GAS2: variants seen among roughly 807,000 people sequenced by gnomAD.
GAS2 encodes growth arrest-specific protein 2.
GAS2 carries 20 observed loss-of-function variants against 37.5 expected under a neutral mutation model. That is an observed-to-expected ratio of 0.53 (90% confidence interval 0.37 to 0.77). The LOEUF is 0.77. Ranked by LOEUF, GAS2 falls within the 30% of genes least tolerant of loss-of-function variation. The pLI, the probability that GAS2 is intolerant of heterozygous loss-of-function variation, is 0.00. For synonymous variants in GAS2, 144 were observed against 132.2 expected (o/e 1.09, Z -0.61); for missense variants, 336 against 373.4 (o/e 0.90, Z 0.82).
chr11:22,686,962 G>T (rs1254769740), intron 3 of GAS2, among the ~76,000 whole-genome samples: 1 of 151,980 alleles, frequency 6.6e-6, no homozygotes, highest in African/African-American at 2.4e-5. Flanking sequence ...CTCTGTGAAG[G>T]TATTAATTAA....
At chr11:22,781,452 A>G (rs1489421552) in intron 7 of GAS2, among the ~76,000 whole-genome samples, 2 of 152,154 alleles carry the variant, frequency 1.3e-5, no homozygotes, top group African/African-American at 4.8e-5. Flanking sequence ...CAGACTTTTC[A>G]TTCACAGGTT....
At chr11:22,769,328 A>G (rs971856956) in intron 7 of GAS2, among the ~76,000 whole-genome samples, 1 of 152,232 alleles carries the variant, frequency 6.6e-6, no homozygotes, top group African/African-American at 2.4e-5. Flanking sequence ...AACATGTCCA[A>G]CCTTGAAGAA....
chr11:22,718,719 T>A (rs1443043059), intron 3 of GAS2, among the ~76,000 whole-genome samples: 3 of 152,006 alleles, frequency 2.0e-5, no homozygotes, highest in Non-Finnish European at 4.4e-5. Flanking sequence ...TTATGAACAC[T>A]GAGATTTCTA....
intron 7 of GAS2, among the ~76,000 whole-genome samples, chr11:22,780,557 C>CAA (rs34289288): frequency 0.49 from 44,089 of 89,848 alleles, 10,564 homozygotes; most frequent in South Asian, 0.62. Flanking sequence ...GACTCTGTCT[C>CAA]AAAAAAAAAA....
intron 2 of GAS2, among the ~76,000 whole-genome samples, chr11:22,683,024 G>T (rs865859251): frequency 6.6e-6 from 1 of 151,944 alleles, no homozygotes; most frequent in Non-Finnish European, 1.5e-5. Flanking sequence ...TGAAATAAAA[G>T]TTCTGCACAG....
chr11:22,686,819 C>G (rs1849983269), intron 3 of GAS2, among the ~76,000 whole-genome samples: 1 of 151,954 alleles, frequency 6.6e-6, no homozygotes, highest in Non-Finnish European at 1.5e-5. Context: ...TTTTCTGCAA[C>G]TCTGACAGAA....
intron 3 of GAS2, among the ~76,000 whole-genome samples, chr11:22,717,658 A>G (rs1289911350): frequency 6.6e-6 from 1 of 152,182 alleles, no homozygotes; most frequent in East Asian, 1.9e-4. Flanking sequence ...TTCACAGCAA[A>G]ATAAGCAATC....
chr11:22,795,503 G>A (rs1856384168), intron 7 of GAS2, among the ~76,000 whole-genome samples: 1 of 152,058 alleles, frequency 6.6e-6, no homozygotes, highest in Admixed American at 6.6e-5. Context: ...AGGAGGTGAG[G>A]TGTTTACTCT....
intron 1 of GAS2, among the ~76,000 whole-genome samples, chr11:22,647,096 C>T: frequency 7.3e-6 from 1 of 137,652 alleles, no homozygotes. Context: ...CAACAGTCCC[C>T]AGAGTGTGAT....
chr11:22,770,806 A>G (rs1464398665), intron 7 of GAS2, among the ~76,000 whole-genome samples: 1 of 152,210 alleles, frequency 6.6e-6, no homozygotes, highest in Non-Finnish European at 1.5e-5. Context: ...TTGTCGTTCA[A>G]AAAGCTTTTC....
chr11:22,640,044 C>T (rs1367737394), intron 1 of GAS2, among the ~76,000 whole-genome samples: 1 of 151,954 alleles, frequency 6.6e-6, no homozygotes, highest in Non-Finnish European at 1.5e-5. Context: ...GACAAAGGGC[C>T]CATGAAGTTA....
intron 4 of GAS2, among the ~76,000 whole-genome samples, chr11:22,728,935 G>T (rs1852344057): frequency 6.6e-6 from 1 of 150,652 alleles, no homozygotes; most frequent in Non-Finnish European, 1.5e-5. Context: ...GATGGCTTTG[G>T]ACTCTACTTG....
intron 5 of GAS2, among the ~76,000 whole-genome samples, chr11:22,746,307 G>C (rs1432659716): frequency 6.6e-6 from 1 of 152,170 alleles, no homozygotes; most frequent in African/African-American, 2.4e-5. Flanking sequence ...GCAGTTTGGA[G>C]ATTTTGTGAA....
chr11:22,768,448 C>G (rs2134412165), intron 7 of GAS2, among the ~76,000 whole-genome samples: 1 of 152,300 alleles, frequency 6.6e-6, no homozygotes, highest in East Asian at 1.9e-4. Context: ...TTCATGCCAA[C>G]TTCTAATCTC....
At chr11:22,642,458 C>T (rs915150614) in intron 1 of GAS2, among the ~76,000 whole-genome samples, 2 of 152,134 alleles carry the variant, frequency 1.3e-5, no homozygotes, top group Non-Finnish European at 2.9e-5. Context: ...AAACAAAATT[C>T]ATAGCAGAAC....
chr11:22,628,994 A>G (rs1256308220), intron 1 of GAS2, among the ~76,000 whole-genome samples: 1 of 31,724 alleles, frequency 3.2e-5, no homozygotes, highest in Non-Finnish European at 7.1e-5. Flanking sequence ...GTAGTATTCC[A>G]TGGTATGTGT....
chr11:22,784,909 C>T (rs1164725982), intron 7 of GAS2, among the ~76,000 whole-genome samples: 1 of 152,140 alleles, frequency 6.6e-6, no homozygotes, highest in Non-Finnish European at 1.5e-5. Flanking sequence ...CATTTGAAGA[C>T]CACTTTGCGT....
At chr11:22,642,353 C>T (rs1353137482) in intron 1 of GAS2, among the ~76,000 whole-genome samples, 1 of 152,098 alleles carries the variant, frequency 6.6e-6, no homozygotes, top group African/African-American at 2.4e-5. Flanking sequence ...AAAGACTATT[C>T]TACATTTTCT....
chr11:22,752,804 G>A (rs1289714540), intron 6 of GAS2, among the ~76,000 whole-genome samples: 1 of 152,034 alleles, frequency 6.6e-6, no homozygotes, highest in African/African-American at 2.4e-5. Flanking sequence ...AACCTTCAAT[G>A]TTTCTTCACA....
Sources: gnomAD v4.1 joint callset for allele counts (sites outside exome capture counted in the v4.1 genomes callset) on GRCh38, gnomAD v4.1.1 for gene constraint, MANE v1.5 for transcripts, NCBI Gene and HGNC (gene_info 2026-07-23, HGNC 2026-07-21) for gene names.